Variants in TSPAN9 observed in about 807,000 individuals in gnomAD.
The protein encoded by TSPAN9 is tetraspanin-9.
TSPAN9 carries 16 observed loss-of-function variants against 31.0 expected under a neutral mutation model. The ratio of observed to expected loss-of-function variants is 0.52; its 90% CI spans 0.35 to 0.78. The LOEUF (loss-of-function observed/expected upper bound fraction) is 0.78. TSPAN9 is among the 30% of genes least tolerant of loss of function. The pLI is 0.01. For synonymous variants in TSPAN9, 145 were observed against 121.6 expected, an observed-to-expected ratio of 1.19 and a Z score of -1.27; for missense variants, 272 against 312.5, an observed-to-expected ratio of 0.87 and a Z score of 0.98.
intron 3 of TSPAN9, among the ~76,000 whole-genome samples, chr12:3,251,913 CT>C (rs1297946990): frequency 2.0e-5 from 3 of 152,228 alleles, no homozygotes; most frequent in Non-Finnish European, 2.9e-5. Context: ...ATGACAGCCC[CT>C]GCCTGAAGCA....
intron 2 of TSPAN9, among the ~76,000 whole-genome samples, chr12:3,125,923 C>T (rs189496928): frequency 1.3e-5 from 2 of 151,816 alleles, no homozygotes; most frequent in East Asian, 3.9e-4. Context: ...CATTTGAGGG[C>T]TCAAAACCTG....
At chr12:3,248,962 C>T (rs1042496539) in intron 3 of TSPAN9, among the ~76,000 whole-genome samples, 5 of 152,200 alleles carry the variant, frequency 3.3e-5, no homozygotes, top group Non-Finnish European at 7.3e-5. Context: ...TCCCTGAGGC[C>T]CCTCCTGTCC....
At chr12:3,274,006 AGCC>A in intron 3 of TSPAN9, among the ~76,000 whole-genome samples, 2 of 152,126 alleles carry the variant, frequency 1.3e-5, no homozygotes, top group South Asian at 4.1e-4. Flanking sequence ...AGATGTTGGC[AGCC>A]CAAGGGTGGG....
intron 3 of TSPAN9, among the ~76,000 whole-genome samples, chr12:3,267,877 C>T (rs1565638965): frequency 6.6e-6 from 1 of 152,190 alleles, no homozygotes; most frequent in South Asian, 2.1e-4. Flanking sequence ...CCCACTCCTG[C>T]CCAACGTAGA....
chr12:3,263,208 T>A (rs1862482798), intron 3 of TSPAN9, among the ~76,000 whole-genome samples: 1 of 152,198 alleles, frequency 6.6e-6, no homozygotes, highest in Admixed American at 6.5e-5. Flanking sequence ...AGCACAGTCA[T>A]AGGTTCTTAG....
rs543305049 is a variant in TSPAN9, at chr12:3,171,072, G to A, written c.-17-30105G>A. On this transcript the variant is annotated intron_variant, in intron 2 of 8. Transcript: ENST00000011898. ...GCCACCGTTCGTCACCTCGTGCTTG[G>A]ATTATGGGAACAGTTTCCCAGCACA... 3.0e-4 allele frequency among the ~76,000 whole-genome samples: 46 copies of A among 152,180 alleles called. 1 individual carries two copies. The South Asian group carries it at 7.3e-3, about 24-fold the overall frequency.
At chr12:3,156,801 C>T (rs1231431839) in intron 2 of TSPAN9, among the ~76,000 whole-genome samples, 2 of 152,134 alleles carry the variant, frequency 1.3e-5, no homozygotes, top group African/African-American at 2.4e-5. Context: ...AGCCACCACT[C>T]CCGGCCTGCT....
intron 2 of TSPAN9, among the ~76,000 whole-genome samples, chr12:3,176,210 CAGCA>C (rs2098355486): frequency 6.6e-6 from 1 of 152,232 alleles, no homozygotes; most frequent in Non-Finnish European, 1.5e-5. Flanking sequence ...CCTCTTGTCT[CAGCA>C]TCGAGCCTTA....
At chr12:3,208,730 C>T (rs527607181) in intron 3 of TSPAN9, among the ~76,000 whole-genome samples, 39 of 152,318 alleles carry the variant, frequency 2.6e-4, no homozygotes, top group Admixed American at 4.6e-4. Context: ...AAAACAAACG[C>T]CTGCCCACTT....
chr12:3,281,066 C>G (rs935569638), intron 6 of TSPAN9, 132 bp from the exon 7 acceptor site: 50 of 1,430,444 alleles, frequency 3.5e-5, no homozygotes, highest in Admixed American at 1.0e-4. Context: ...GAAGCAAGCC[C>G]TTTGTCTCCT....
In TSPAN9 at chr12:3,109,062, A is replaced by C. The variant is rs1230798015; in HGVS notation, c.-18+25343A>C. ...ACCATTCTCCTGTCTCAGCCTCCCGAGTAGCTGGGACTACAGGCACTCGCC... is the reference window on the plus strand; with the variant it reads ...ACCATTCTCCTGTCTCAGCCTCCCGCGTAGCTGGGACTACAGGCACTCGCC... On this transcript the variant is annotated intron_variant, in intron 2 of 8. Transcript: ENST00000011898. Among the ~76,000 whole-genome samples, 11 of 151,908 alleles carry C rather than the reference A, an allele frequency of 7.2e-5. No individual in the cohort carries two copies. The East Asian group carries it at 1.8e-3, about 24-fold the overall frequency.
chr12:3,093,022 T>C (rs555603634), intron 2 of TSPAN9, among the ~76,000 whole-genome samples: 3 of 152,324 alleles, frequency 2.0e-5, no homozygotes, highest in South Asian at 4.1e-4. Context: ...GTTCTGATGT[T>C]CAGATTGAAC....
intron 2 of TSPAN9, among the ~76,000 whole-genome samples, chr12:3,127,296 C>T (rs1406501608): frequency 6.6e-6 from 1 of 152,008 alleles, no homozygotes; most frequent in South Asian, 2.1e-4. Context: ...CCTGTGACAA[C>T]AGTGCCTTCT....
In TSPAN9 at chr12:3,265,693, C is replaced by T. The variant is rs1165555597; in HGVS notation, c.64-12728C>T. Among the ~76,000 whole-genome samples the T allele has an allele frequency of 4.6e-5, 7 of 152,290 alleles. No homozygotes were observed. The Middle Eastern group carries it at 0.014, about 296-fold the overall frequency. On this transcript the variant is annotated intron_variant, in intron 3 of 8. Transcript: ENST00000011898. ...CCTGGGCTGTGTGTCTGGGTCCCTC[C>T]ACTTCTTGGCATGCCTGTGTCACCT...
intron 3 of TSPAN9, among the ~76,000 whole-genome samples, chr12:3,213,229 G>C (rs2098379681): frequency 6.6e-6 from 1 of 152,198 alleles, no homozygotes; most frequent in African/African-American, 2.4e-5. Flanking sequence ...TCTGTCTGCA[G>C]GGGTCTCTAA....
intron 2 of TSPAN9, among the ~76,000 whole-genome samples, chr12:3,121,533 C>CTTTTTTTTTTTTT (rs59376087): frequency 2.2e-5 from 2 of 92,926 alleles, no homozygotes; most frequent in African/African-American, 4.3e-5. Context: ...CTAATTAAAA[C>CTTTTTTTTTTTTT]TTTTTTTTTT....
At chr12:3,089,798 C>T (rs916847410) in intron 2 of TSPAN9, among the ~76,000 whole-genome samples, 2 of 151,850 alleles carry the variant, frequency 1.3e-5, no homozygotes, top group African/African-American at 2.4e-5. Context: ...CCCAGCCACT[C>T]GGGAGGCTGA....
At chr12:3,157,131 G>T (rs11836378) in intron 2 of TSPAN9, among the ~76,000 whole-genome samples, 1 of 146,014 alleles carries the variant, frequency 6.8e-6, no homozygotes, top group Non-Finnish European at 1.5e-5. Flanking sequence ...ACGGAGTCTC[G>T]CTCTGTCACC....
At chr12:3,236,493 C>T (rs2098393790) in intron 3 of TSPAN9, among the ~76,000 whole-genome samples, 1 of 152,156 alleles carries the variant, frequency 6.6e-6, no homozygotes, top group Non-Finnish European at 1.5e-5. Flanking sequence ...CAGCTGCCTG[C>T]CTCTGAGGCC....
Sources: gnomAD v4.1 joint callset for allele counts (sites outside exome capture counted in the v4.1 genomes callset) on GRCh38, gnomAD v4.1.1 for gene constraint, MANE v1.5 for transcripts, NCBI Gene and HGNC (gene_info 2026-07-23, HGNC 2026-07-21) for gene names.